ADAM29: variants seen among roughly 807,000 people sequenced by gnomAD.
The protein encoded by ADAM29 is ADAM metallopeptidase domain 29, also known as disintegrin and metalloproteinase domain-containing protein 29.
For synonymous variants in ADAM29, 367 were observed against 342.3 expected (o/e 1.07, Z -0.80); for missense variants, 969 against 1,001.8 (o/e 0.97, Z 0.44).
At chr4:174,948,979 G>A (rs535627854) in intron 4 of ADAM29, among the ~76,000 whole-genome samples, 21 of 152,262 alleles carry the variant, frequency 1.4e-4, no homozygotes, top group Non-Finnish European at 1.3e-4. Flanking sequence ...AAAGCTGCAC[G>A]GGGAGTCTTC....
rs567881926 is a variant in ADAM29 at position 174,952,679 on chromosome 4, G to A, written c.-181+15666G>A. 1.2e-4 allele frequency among the ~76,000 whole-genome samples: 19 copies of A among 152,176 alleles called. No homozygotes were observed. In the East Asian group the frequency reaches 3.7e-3, roughly 29 times the overall value. Reference sequence around the variant, plus strand: ...AAAATGATGAGAATATGTAAACTGAGTATCCGTACATGTGTTTCTGGTATT... The same window carrying A: ...AAAATGATGAGAATATGTAAACTGAATATCCGTACATGTGTTTCTGGTATT... On this transcript the variant is annotated intron_variant, in intron 4 of 4. Coordinates refer to ENST00000359240, the MANE Select transcript of ADAM29 (RefSeq NM_014269.4).
At position 174,920,805 on chromosome 4, in the gene ADAM29, G is replaced by A. The variant is rs1743120533; in HGVS notation, c.-451+13G>A. 6.6e-6 allele frequency: 1 copy of A among 152,082 alleles called. No individual in the cohort carries two copies. Among genetic ancestry groups the A allele is most frequent in the South Asian group, 2.1e-4 (1 of 4,826 alleles). The allele number at this position is 152,082 out of a possible 1,614,324, so 9.4% of individuals were successfully genotyped here. A position where few individuals can be genotyped will look rare whatever the true frequency, so the allele number is the denominator to read the frequency against. ...AAAGATGCTTAATGTAAGTATCTTT[G>A]CAGTAAGATAATGTAATTATCTTAC... On this transcript the variant is annotated intron_variant, in intron 2 of 4. Transcript: ENST00000359240.
chr4:174,921,631 A>T (rs890243166), intron 2 of ADAM29, among the ~76,000 whole-genome samples: 6 of 152,272 alleles, frequency 3.9e-5, no homozygotes, highest in African/African-American at 1.4e-4. Context: ...AACAATGTCA[A>T]CTCACATATA....
At chr4:174,959,495 G>A (rs1272817257) in intron 4 of ADAM29, among the ~76,000 whole-genome samples, 14 of 150,628 alleles carry the variant, frequency 9.3e-5, no homozygotes, top group Admixed American at 9.3e-4. Flanking sequence ...TTGTGTGTTT[G>A]TGTGTGTCTG....
intron 4 of ADAM29, among the ~76,000 whole-genome samples, chr4:174,962,510 A>T (rs1459233117): frequency 1.2e-4 from 17 of 140,994 alleles, no homozygotes; most frequent in African/African-American, 2.3e-4. Flanking sequence ...AGACTCCGTC[A>T]CAAAAAAAAA....
At chr4:174,961,261 T>A (rs1434223262) in intron 4 of ADAM29, among the ~76,000 whole-genome samples, 1 of 151,694 alleles carries the variant, frequency 6.6e-6, no homozygotes, top group Non-Finnish European at 1.5e-5. Flanking sequence ...CATTTTACTC[T>A]GAAGCTCATC....
intron 2 of ADAM29, among the ~76,000 whole-genome samples, chr4:174,924,409 T>C (rs1042663905): frequency 6.6e-6 from 1 of 152,216 alleles, no homozygotes; most frequent in African/African-American, 2.4e-5. Flanking sequence ...GGGAGTTTCT[T>C]ACAAAGTTAG....
At position 174,923,525 on chromosome 4, in the gene ADAM29, G is replaced by GTA. The variant is rs58980378; in HGVS notation, c.-451+2768_-451+2769dup. On this transcript the variant is annotated intron_variant, in intron 2 of 4. Coordinates refer to ENST00000359240, the MANE Select transcript of ADAM29 (RefSeq NM_014269.4). ...ATCCCCTATATACTGTGCATTATATGTATATATATATATATATATATATAT... is the reference window on the plus strand; with the variant it reads ...ATCCCCTATATACTGTGCATTATATGTATATATATATATATATATATATATAT... Among the ~76,000 whole-genome samples the GTA allele has an allele frequency of 9.2e-3, 888 of 96,624 alleles. 1 individual carries two copies. The highest frequency in any genetic ancestry group is 0.012 in the South Asian group (38 of 3,108). The allele number at this position is 96,624 out of a possible 152,430, so 63.4% of individuals were successfully genotyped here.
At chr4:174,972,788 G>C (rs1218313146) in intron 4 of ADAM29, among the ~76,000 whole-genome samples, 4 of 152,094 alleles carry the variant, frequency 2.6e-5, no homozygotes, top group African/African-American at 9.7e-5. Context: ...GGAGAGCCCT[G>C]GAGAAATTTG....
chr4:174,956,492 GTC>G (rs967330732), intron 4 of ADAM29, among the ~76,000 whole-genome samples: 7 of 106,054 alleles, frequency 6.6e-5, no homozygotes, highest in Non-Finnish European at 1.2e-4. Context: ...GTGTGTGTGT[GTC>G]TGTGTGTGTG....
At chr4:174,927,917 C>T (rs1251045806) in intron 2 of ADAM29, among the ~76,000 whole-genome samples, 1 of 152,064 alleles carries the variant, frequency 6.6e-6, no homozygotes, top group Admixed American at 6.6e-5. Flanking sequence ...TGCATTTGAT[C>T]CAAGGGAGAC....
intron 4 of ADAM29, among the ~76,000 whole-genome samples, chr4:174,951,622 T>C (rs912795381): frequency 6.6e-6 from 1 of 152,216 alleles, no homozygotes; most frequent in East Asian, 1.9e-4. Flanking sequence ...TGTCATTTAC[T>C]TTATATATCA....
chr4:174,977,580 T>A lies in ADAM29; in HGVS notation c.2055T>A (p.Ile685=). Residue 685 remains isoleucine, a synonymous_variant, in exon 5 of 5, where the codon ATT becomes ATA. Coordinates refer to ENST00000359240, the MANE Select transcript of ADAM29 (RefSeq NM_014269.4). ...KFCYLCILLL[I]VLFILLCCLY... The stretch of plus-strand genomic sequence containing the variant: ...GTTATCTGTGTATATTGTTGCTTAT[T>A]GTTTTGTTTATTTTATTATGTTGTC... 6.2e-7 allele frequency: 1 copy of A among 1,613,682 alleles called. No individual in the cohort carries two copies. The highest frequency in any genetic ancestry group is 1.1e-5 in the South Asian group (1 of 91,048).
intron 4 of ADAM29, among the ~76,000 whole-genome samples, chr4:174,963,275 C>T (rs2111069589): frequency 6.6e-6 from 1 of 152,254 alleles, no homozygotes; most frequent in South Asian, 2.1e-4. Context: ...AATATAAATG[C>T]AATAGGTGGT....
intron 3 of ADAM29, among the ~76,000 whole-genome samples, chr4:174,934,749 G>A (rs1027341251): frequency 5.3e-5 from 8 of 152,096 alleles, no homozygotes; most frequent in Non-Finnish European, 1.0e-4. Context: ...ATTGAAAACC[G>A]CTGTTGTAGT....
chr4:174,975,431 C>A lies in ADAM29; in HGVS notation c.-95C>A. On this transcript the variant is annotated 5_prime_UTR_variant, in exon 5 of 5. Coordinates refer to ENST00000359240, the MANE Select transcript of ADAM29 (RefSeq NM_014269.4). ...CACTGACCAACTCAGAAGAAGGAGC[C>A]ACACCACCTGTGACTCCAGCCCTGA... 7.7e-7 allele frequency: 1 copy of A among 1,297,950 alleles called. No individual in the cohort carries two copies. The highest frequency in any genetic ancestry group is 1.0e-6 in the Non-Finnish European group (1 of 969,558). 80.4% of individuals were successfully genotyped at this position (1,297,950 alleles called of 1,614,324 possible).
At chr4:174,933,234 G>T (rs995948935) in intron 3 of ADAM29, among the ~76,000 whole-genome samples, 1 of 152,126 alleles carries the variant, frequency 6.6e-6, no homozygotes, top group Non-Finnish European at 1.5e-5. Flanking sequence ...CAGGGCAGGG[G>T]CTTTGCTCCT....
chr4:174,963,666 A>G (rs899594901), intron 4 of ADAM29, among the ~76,000 whole-genome samples: 19 of 144,902 alleles, frequency 1.3e-4, no homozygotes, highest in African/African-American at 4.6e-4. Flanking sequence ...AAAAACTTGA[A>G]GGACAAATAG....
intron 1 of ADAM29, among the ~76,000 whole-genome samples, chr4:174,918,762 GA>G (rs1041676856): frequency 1.2e-4 from 18 of 149,064 alleles, no homozygotes; most frequent in Admixed American, 1.0e-3. Context: ...AAAAGAAAAA[GA>G]AAAAAAAACA....
Sources: allele counts gnomAD v4.1 joint callset (sites outside exome capture counted in the v4.1 genomes callset), GRCh38; gene constraint gnomAD v4.1.1; transcripts MANE v1.5; gene names NCBI Gene and HGNC (gene_info 2026-07-23, HGNC 2026-07-21).